Variants in MCCC2 observed in about 807,000 individuals in gnomAD.
The protein encoded by MCCC2 is methylcrotonyl-CoA carboxylase subunit 2.
MCCC2 carries 52 observed loss-of-function variants against 77.2 expected under a neutral mutation model. The observed-to-expected ratio is 0.67, with a 90% CI of 0.54 to 0.85. MCCC2 has a LOEUF of 0.85. MCCC2 is among the 40% of genes least tolerant of loss of function. MCCC2 has a pLI of 0.00. For missense variants in MCCC2, 682 were observed against 703.2 expected (o/e 0.97, Z 0.34); for synonymous variants, 253 against 248.4 (o/e 1.02, Z -0.18).
chr5:71,594,959 C>T (rs1053976449), intron 2 of MCCC2, among the ~76,000 whole-genome samples: 1 of 132,340 alleles, frequency 7.6e-6, no homozygotes, highest in African/African-American at 2.7e-5. Flanking sequence ...GGTGTAGTGG[C>T]GCGATCTCAG....
rs529461193 is a variant in MCCC2, at chr5:71,590,809, T to G, written c.130-2117T>G. On this transcript the variant is annotated intron_variant, in intron 1 of 16. Transcript: ENST00000340941. Reference sequence around the variant, plus strand: ...TCCAGCCTGGGCGACACGGCCAGACTCCGTCTCAAAAAAAAAAAAAAGGAT... The same window carrying G: ...TCCAGCCTGGGCGACACGGCCAGACGCCGTCTCAAAAAAAAAAAAAAGGAT... Among the ~76,000 whole-genome samples the G allele has an allele frequency of 1.2e-3, 173 of 138,702 alleles. 1 individual carries two copies. Among genetic ancestry groups the G allele is most frequent in the African/African-American group, 4.4e-3 (168 of 38,348 alleles). The allele number at this position is 138,702 out of a possible 152,430, so 91.0% of individuals were successfully genotyped here.
rs371658209 is a variant in MCCC2 at position 71,601,873 on chromosome 5, A to G, written c.384-633A>G. ...TGCTCTTTGTGACTCATACCCAATAAACTGGTTTTGGTGAGAAAGGGCACT... is the reference window on the plus strand; with the variant it reads ...TGCTCTTTGTGACTCATACCCAATAGACTGGTTTTGGTGAGAAAGGGCACT... On this transcript the variant is annotated intron_variant, in intron 4 of 16. Coordinates refer to ENST00000340941, the MANE Select transcript of MCCC2 (RefSeq NM_022132.5). 9.9e-5 allele frequency among the ~76,000 whole-genome samples: 15 copies of G among 152,214 alleles called. 1 individual carries two copies. Among genetic ancestry groups the G allele is most frequent in the African/African-American group, 3.6e-4 (15 of 41,522 alleles).
At chr5:71,599,614 G>A (rs761509313) in intron 3 of MCCC2, 45 bp from the exon 4 acceptor site, 23 of 1,489,238 alleles carry the variant, frequency 1.5e-5, no homozygotes, top group Non-Finnish European at 2.2e-5. Flanking sequence ...TAAATGTGTA[G>A]TTTTTAATGA....
intron 16 of MCCC2, 126 bp from the exon 17 acceptor site, chr5:71,656,617 A>G (rs1175626608): frequency 5.0e-6 from 4 of 793,210 alleles, no homozygotes; most frequent in Non-Finnish European, 6.8e-6. Flanking sequence ...ATTATGGTAC[A>G]TGGATGCTAA....
Position 71,656,848 on chromosome 5 carries a change from C to G in MCCC2, c.1680C>G (p.Ile560Met), listed in dbSNP as rs759088388. ...CAATAGAGAAGACTGACTTCGGTAT[C>G]TTCAGGATGTAACTGGAATAAAGGA... ...NAPIEKTDFG[I>M]FRM Residue 560 changes from isoleucine to methionine, a missense_variant, in exon 17 of 17, where the codon ATC (isoleucine) becomes ATG (methionine). Transcript: ENST00000340941. 1 of 1,612,562 alleles carries G rather than the reference C, an allele frequency of 6.2e-7. No individual in the cohort carries two copies. The highest frequency in any genetic ancestry group is 1.3e-5 in the African/African-American group (1 of 75,020).
chr5:71,619,884 G>A (rs113855149), intron 6 of MCCC2, among the ~76,000 whole-genome samples: 1 of 151,948 alleles, frequency 6.6e-6, no homozygotes, highest in African/African-American at 2.4e-5. Context: ...CCAGCTACTC[G>A]GGAGGCTGAG....
intron 6 of MCCC2, among the ~76,000 whole-genome samples, chr5:71,619,454 A>G (rs1167396791): frequency 6.6e-6 from 1 of 152,090 alleles, no homozygotes; most frequent in Admixed American, 6.6e-5. Context: ...ATGGAATCTC[A>G]CTATGTTGCC....
intron 6 of MCCC2, among the ~76,000 whole-genome samples, chr5:71,622,249 A>G (rs1228872136): frequency 6.7e-6 from 1 of 150,142 alleles, no homozygotes; most frequent in African/African-American, 2.4e-5. Context: ...TGAATGCAAC[A>G]TGGCAAAACG....
intron 1 of MCCC2, 181 bp from the exon 2 acceptor site, chr5:71,592,745 G>A (rs535022888): frequency 9.3e-6 from 6 of 642,926 alleles, no homozygotes; most frequent in African/African-American, 9.2e-5. Flanking sequence ...ACAGGCAGGG[G>A]TGAATCTTTT....
intron 8 of MCCC2, among the ~76,000 whole-genome samples, chr5:71,633,131 A>ATATTTTT (rs1554137344): frequency 1.3e-5 from 1 of 78,088 alleles, no homozygotes; most frequent in Admixed American, 1.7e-4. Context: ...ATATATATAT[A>ATATTTTT]TTTTTATTTT....
At chr5:71,645,420 G>A (rs1269922858) in intron 12 of MCCC2, among the ~76,000 whole-genome samples, 2 of 152,134 alleles carry the variant, frequency 1.3e-5, no homozygotes, top group African/African-American at 4.8e-5. Context: ...AGAAATAGTT[G>A]TATTTTTGTA....
At chr5:71,633,127 A>ATTTTTTTTTTTTTTTTT (rs1440841730) in intron 8 of MCCC2, among the ~76,000 whole-genome samples, 2 of 63,792 alleles carry the variant, frequency 3.1e-5, no homozygotes, top group South Asian at 5.4e-4. Flanking sequence ...ATATATATAT[A>ATTTTTTTTTTTTTTTTT]TATATTTTTA....
At position 71,638,398 on chromosome 5, in the gene MCCC2, C is replaced by T. The variant is rs371682099; in HGVS notation, c.1000-2605C>T. Among the ~76,000 whole-genome samples the T allele has an allele frequency of 9.2e-4, 140 of 152,174 alleles. 1 individual carries two copies. The South Asian group carries it at 0.021, about 22-fold the overall frequency. Reference sequence around the variant, plus strand: ...CTTAATGTTGATATTTTGACCTCCTCGCATGAATCGTGAATATTCTCAATG... The same window carrying T: ...CTTAATGTTGATATTTTGACCTCCTTGCATGAATCGTGAATATTCTCAATG... On this transcript the variant is annotated intron_variant, in intron 10 of 16. Transcript: ENST00000340941.
At chr5:71,641,175 T>C (rs1474539023) in intron 11 of MCCC2, 100 bp downstream of exon 11, 7 of 1,054,942 alleles carry the variant, frequency 6.6e-6, no homozygotes, top group Middle Eastern at 2.0e-4. Flanking sequence ...TGGGCTTTGT[T>C]GTTGAGAGCA....
chr5:71,608,881 AT>A, intron 6 of MCCC2, among the ~76,000 whole-genome samples: 1 of 152,170 alleles, frequency 6.6e-6, no homozygotes, highest in East Asian at 1.9e-4. Flanking sequence ...TTCTTTAAGA[AT>A]GTTGAATATT....
At chr5:71,604,163 G>C (rs1437368404) in intron 5 of MCCC2, among the ~76,000 whole-genome samples, 193 bp from the exon 6 acceptor site, 1 of 152,202 alleles carries the variant, frequency 6.6e-6, no homozygotes, top group Non-Finnish European at 1.5e-5. Flanking sequence ...GGGAAAGCCT[G>C]ATGGGTTTGG....
chr5:71,651,765 G>T (rs1367489771), intron 15 of MCCC2, among the ~76,000 whole-genome samples: 1 of 152,116 alleles, frequency 6.6e-6, no homozygotes, highest in Non-Finnish European at 1.5e-5. Context: ...CGAGTGGTTG[G>T]GGTGTGGGTG....
intron 6 of MCCC2, among the ~76,000 whole-genome samples, chr5:71,610,945 CACTGCACTCCAGCCTGGCGACGAAGTGAG>C (rs1385724682): frequency 6.6e-6 from 1 of 152,202 alleles, no homozygotes; most frequent in Non-Finnish European, 1.5e-5. Flanking sequence ...GAGATCATGC[CACTGCACTCCAGCCTGGCGACGAAGTGAG>C]ACTCCGTCTC....
intron 7 of MCCC2, among the ~76,000 whole-genome samples, chr5:71,627,721 CTTGTAA>C (rs1476904953): frequency 2.0e-5 from 3 of 152,036 alleles, no homozygotes; most frequent in Non-Finnish European, 1.5e-5. Flanking sequence ...CTTGTCAACA[CTTGTAA>C]TTGTATGTTT....
Sources: allele counts gnomAD v4.1 joint callset (sites outside exome capture counted in the v4.1 genomes callset), GRCh38; gene constraint gnomAD v4.1.1; transcripts MANE v1.5; gene names NCBI Gene and HGNC (gene_info 2026-07-23, HGNC 2026-07-21).